Variants in GFRA1 observed in about 807,000 individuals in gnomAD.
The protein encoded by GFRA1 is GDNF family receptor alpha 1, also known as GDNF family receptor alpha-1.
A neutral mutation model predicts 51.6 loss-of-function variants in GFRA1; 16 were observed. The observed-to-expected ratio is 0.31, with a 90% CI of 0.21 to 0.47. GFRA1 has a LOEUF of 0.47. Ranked by LOEUF, GFRA1 falls within the 20% of genes least tolerant of loss-of-function variation. The pLI, the probability that GFRA1 is intolerant of heterozygous loss-of-function variation, is 1.00. For synonymous variants in GFRA1, 270 were observed against 241.3 expected (o/e 1.12, Z -1.10); for missense variants, 530 against 594.3 (o/e 0.89, Z 1.13).
intron 5 of GFRA1, among the ~76,000 whole-genome samples, chr10:116,133,257 AT>A (rs1958181000): frequency 6.6e-6 from 1 of 151,952 alleles, no homozygotes; most frequent in African/African-American, 2.4e-5. Context: ...TTCACTTCAA[AT>A]TCCACACAGC....
chr10:116,151,186 C>G (rs1277680738), intron 5 of GFRA1, among the ~76,000 whole-genome samples: 1 of 152,180 alleles, frequency 6.6e-6, no homozygotes, highest in African/African-American at 2.4e-5. Flanking sequence ...AGGCAAGCAT[C>G]TGTACAAGCT....
intron 4 of GFRA1, among the ~76,000 whole-genome samples, chr10:116,214,964 A>G (rs1965458025): frequency 1.3e-5 from 2 of 152,162 alleles, no homozygotes; most frequent in South Asian, 4.1e-4. Flanking sequence ...GATTTTTCCA[A>G]AAACTCTTTT....
chr10:116,205,926 T>TCACACACACACACACA (rs55780139), intron 5 of GFRA1, among the ~76,000 whole-genome samples: 68 of 142,580 alleles, frequency 4.8e-4, no homozygotes, highest in African/African-American at 1.6e-3. Flanking sequence ...TTTCCTCATA[T>TCACACACACACACACA]CACACACACA....
In GFRA1 at chr10:116,106,127, G is replaced by T. The variant is rs548873934; in HGVS notation, c.771-9363C>A. The stretch of plus-strand genomic sequence containing the variant: ...GGAAGGGGCCATGAGCCTGCGTGGG[G>T]AAAGGCAAAGAAATGGATTCTCCTC... On this transcript the variant is annotated intron_variant, in intron 6 of 10. Transcript: ENST00000355422. Among the ~76,000 whole-genome samples the T allele has an allele frequency of 2.0e-5, 3 of 152,244 alleles. No homozygotes were observed. The East Asian group carries it at 5.8e-4, about 29-fold the overall frequency.
intron 4 of GFRA1, among the ~76,000 whole-genome samples, chr10:116,228,767 G>A (rs1966486072): frequency 6.6e-6 from 1 of 151,758 alleles, no homozygotes; most frequent in African/African-American, 2.4e-5. Context: ...CAGATCACGA[G>A]GTCAGGAGTT....
At chr10:116,117,557 G>GTGCA (rs1555152576) in intron 6 of GFRA1, among the ~76,000 whole-genome samples, 2 of 97,348 alleles carry the variant, frequency 2.1e-5, no homozygotes, top group African/African-American at 8.4e-5. Flanking sequence ...GGGTGGGTGT[G>GTGCA]TGGATGGATG....
At chr10:116,185,343 T>C (rs1304275947) in intron 5 of GFRA1, among the ~76,000 whole-genome samples, 3 of 152,114 alleles carry the variant, frequency 2.0e-5, no homozygotes, top group Non-Finnish European at 4.4e-5. Flanking sequence ...TGATGATCTG[T>C]AAGACAGGCT....
intron 8 of GFRA1, among the ~76,000 whole-genome samples, chr10:116,091,730 T>C (rs1287438832): frequency 2.0e-5 from 3 of 152,182 alleles, no homozygotes; most frequent in African/African-American, 4.8e-5. Context: ...AATCTACAAA[T>C]TGCAATTCCT....
rs1001684801 is a variant in GFRA1, at chr10:116,064,218, C to T, written c.*180G>A. On this transcript the variant is annotated 3_prime_UTR_variant, in exon 11 of 11. Coordinates refer to ENST00000355422, the MANE Select transcript of GFRA1 (RefSeq NM_005264.8). Reference sequence around the variant, plus strand: ...ATGGAGCACTGCATCAGGTTTTTCACAGAAGCCCCAAAGGATCACAAGAAG... The same window carrying T: ...ATGGAGCACTGCATCAGGTTTTTCATAGAAGCCCCAAAGGATCACAAGAAG... 1.5e-4 allele frequency: 93 copies of T among 605,082 alleles called. No individual in the cohort carries two copies. In the Admixed American group the frequency reaches 2.6e-3, roughly 17 times the overall value. 37.5% of individuals were successfully genotyped at this position (605,082 alleles called of 1,614,324 possible). A position where few individuals can be genotyped will look rare whatever the true frequency, so the allele number is the denominator to read the frequency against.
intron 5 of GFRA1, among the ~76,000 whole-genome samples, chr10:116,207,982 G>T (rs1383465140): frequency 6.6e-6 from 1 of 152,062 alleles, no homozygotes; most frequent in Non-Finnish European, 1.5e-5. Context: ...AGCATCCAGA[G>T]TGGTTATTTT....
At chr10:116,138,221 T>C (rs1415682911) in intron 5 of GFRA1, among the ~76,000 whole-genome samples, 1 of 152,192 alleles carries the variant, frequency 6.6e-6, no homozygotes, top group Non-Finnish European at 1.5e-5. Flanking sequence ...TATTTCTCGT[T>C]CATGGAAACA....
intron 5 of GFRA1, among the ~76,000 whole-genome samples, chr10:116,173,907 C>T (rs149400316): frequency 6.6e-6 from 1 of 151,986 alleles, no homozygotes; most frequent in African/African-American, 2.4e-5. Context: ...ATAGAGAAAC[C>T]CTGTCTCTAC....
intron 4 of GFRA1, among the ~76,000 whole-genome samples, chr10:116,221,457 C>T (rs1378861787): frequency 6.6e-6 from 1 of 152,154 alleles, no homozygotes; most frequent in East Asian, 1.9e-4. Context: ...CAGAGTCTCA[C>T]TCTGTTGCCT....
intron 5 of GFRA1, among the ~76,000 whole-genome samples, chr10:116,172,412 C>G (rs1241904951): frequency 6.6e-6 from 1 of 152,000 alleles, no homozygotes; most frequent in Non-Finnish European, 1.5e-5. Context: ...GGGTCAGAGT[C>G]CATTAAGGAA....
At chr10:116,190,697 T>C (rs1026237491) in intron 5 of GFRA1, among the ~76,000 whole-genome samples, 3 of 151,974 alleles carry the variant, frequency 2.0e-5, no homozygotes, top group Admixed American at 6.6e-5. Context: ...GTTCTGAAAG[T>C]GAAAGAAAGG....
chr10:116,159,438 G>T (rs1028910114), intron 5 of GFRA1, among the ~76,000 whole-genome samples: 1 of 152,170 alleles, frequency 6.6e-6, no homozygotes, highest in African/African-American at 2.4e-5. Flanking sequence ...CCTCGTGCAG[G>T]CCACACTATG....
chr10:116,090,944 A>AT (rs1391494799), intron 8 of GFRA1, among the ~76,000 whole-genome samples: 1 of 152,152 alleles, frequency 6.6e-6, no homozygotes, highest in Non-Finnish European at 1.5e-5. Flanking sequence ...GCACCTTTAC[A>AT]TTTTTGGGGG....
chr10:116,251,160 C>T (rs1395233870), intron 4 of GFRA1, among the ~76,000 whole-genome samples: 1 of 152,186 alleles, frequency 6.6e-6, no homozygotes, highest in Non-Finnish European at 1.5e-5. Context: ...ATTCATATGC[C>T]TCCTGTACTA....
intron 9 of GFRA1, among the ~76,000 whole-genome samples, chr10:116,071,980 A>G (rs1207219326): frequency 6.6e-6 from 1 of 151,942 alleles, no homozygotes; most frequent in Non-Finnish European, 1.5e-5. Flanking sequence ...GACGTTTGAC[A>G]CCCGCAGAAG....
Sources: allele counts gnomAD v4.1 joint callset (sites outside exome capture counted in the v4.1 genomes callset), GRCh38; gene constraint gnomAD v4.1.1; transcripts MANE v1.5; gene names NCBI Gene and HGNC (gene_info 2026-07-23, HGNC 2026-07-21).